FZD3: variants seen among roughly 807,000 people sequenced by gnomAD.
FZD3 encodes the protein frizzled-3.
FZD3 carries 30 observed loss-of-function variants against 60.7 expected under a neutral mutation model. The observed-to-expected ratio is 0.49, with a 90% CI of 0.37 to 0.67. The LOEUF is 0.67. Among genes scored for constraint, FZD3 ranks in the 30% least tolerant of loss-of-function variants. The pLI, the probability that FZD3 is intolerant of heterozygous loss-of-function variation, is 0.00. For synonymous variants in FZD3, 246 were observed against 275.2 expected (o/e 0.89, Z 1.05); for missense variants, 605 against 838.7 (o/e 0.72, Z 3.44).
chr8:28,558,299 C>CA (rs2130470152), intron 7 of FZD3, among the ~76,000 whole-genome samples: 1 of 152,244 alleles, frequency 6.6e-6, no homozygotes, highest in Non-Finnish European at 1.5e-5. Flanking sequence ...TTAGGGGTCC[C>CA]AGCTGAAAAT....
chr8:28,544,220 T>C (rs1215191632), intron 5 of FZD3, among the ~76,000 whole-genome samples: 2 of 152,206 alleles, frequency 1.3e-5, no homozygotes, highest in Non-Finnish European at 2.9e-5. Context: ...ACCTGTTTTA[T>C]CTGCTACATT....
chr8:28,528,427 T>C (rs75485194), intron 5 of FZD3, among the ~76,000 whole-genome samples: 10 of 152,160 alleles, frequency 6.6e-5, no homozygotes, highest in African/African-American at 1.9e-4. Flanking sequence ...TTTTTTTTTT[T>C]CCAGAAGTGT....
intron 3 of FZD3, among the ~76,000 whole-genome samples, 167 bp from the exon 4 acceptor site, chr8:28,520,471 G>T (rs1804548012): frequency 6.6e-6 from 1 of 151,892 alleles, no homozygotes; most frequent in African/African-American, 2.4e-5. Flanking sequence ...AATCTTCAAG[G>T]GTAGGGCTAG....
intron 4 of FZD3, among the ~76,000 whole-genome samples, chr8:28,522,240 T>G (rs1244150605): frequency 3.3e-5 from 5 of 151,992 alleles, no homozygotes; most frequent in Non-Finnish European, 7.4e-5. Context: ...GGATACCAAT[T>G]TGTTTTCTTA....
At chr8:28,544,304 A>G (rs1805244941) in intron 5 of FZD3, among the ~76,000 whole-genome samples, 1 of 152,166 alleles carries the variant, frequency 6.6e-6, no homozygotes, top group African/African-American at 2.4e-5. Context: ...GAGAATACAT[A>G]TTGGAAAATG....
At chr8:28,531,123 TTTCCATTC>T (rs1367352427) in intron 5 of FZD3, among the ~76,000 whole-genome samples, 2 of 152,170 alleles carry the variant, frequency 1.3e-5, no homozygotes, top group Non-Finnish European at 2.9e-5. Context: ...CCTTTCCATA[TTTCCATTC>T]CTCTTCTTCC....
intron 4 of FZD3, among the ~76,000 whole-genome samples, chr8:28,524,327 G>T (rs1285104786): frequency 6.6e-6 from 1 of 152,132 alleles, no homozygotes; most frequent in East Asian, 1.9e-4. Context: ...CCTCCAAATA[G>T]ACTGATTAAT....
chr8:28,496,612 C>T (rs952589748), intron 1 of FZD3, among the ~76,000 whole-genome samples: 1 of 152,126 alleles, frequency 6.6e-6, no homozygotes, highest in Non-Finnish European at 1.5e-5. Context: ...ATTAGATTTT[C>T]AGTAGTGATA....
In FZD3 at chr8:28,572,002, A is replaced by T. The variant is rs2130495027; in HGVS notation, c.*8991A>T. ...ATTATGAGTTATTTCACTCTCTGTA[A>T]TTTGTGATACCCAAGATTCATATTT... On this transcript the variant is annotated 3_prime_UTR_variant, in exon 8 of 8. Transcript: ENST00000240093. 6.6e-6 allele frequency: 1 copy of T among 152,174 alleles called. No homozygotes were observed. The highest frequency in any genetic ancestry group is 1.9e-4 in the East Asian group (1 of 5,178). The allele number at this position is 152,174 out of a possible 1,614,324, so 9.4% of individuals were successfully genotyped here. A position where few individuals can be genotyped will look rare whatever the true frequency, so the allele number is the denominator to read the frequency against.
chr8:28,532,213 A>T (rs963219747), intron 5 of FZD3, among the ~76,000 whole-genome samples: 2 of 152,060 alleles, frequency 1.3e-5, no homozygotes, highest in African/African-American at 4.8e-5. Context: ...CTTCTTCAAA[A>T]CTATTTTAGC....
In FZD3 at chr8:28,573,250, A is replaced by G. The variant is rs1805836895; in HGVS notation, c.*10239A>G. 6.6e-6 allele frequency: 1 copy of G among 152,208 alleles called. No homozygotes were observed. Among genetic ancestry groups the G allele is most frequent in the South Asian group, 2.1e-4 (1 of 4,834 alleles). 9.4% of individuals were successfully genotyped at this position (152,208 alleles called of 1,614,324 possible). ...AAATTTGCTTTAACTAATTTATATTAAAGTGTTAGTGACTATAGCCCTTTT... is the reference window on the plus strand; with the variant it reads ...AAATTTGCTTTAACTAATTTATATTGAAGTGTTAGTGACTATAGCCCTTTT... On this transcript the variant is annotated 3_prime_UTR_variant, in exon 8 of 8. Coordinates refer to ENST00000240093, the MANE Select transcript of FZD3 (RefSeq NM_017412.4).
intron 3 of FZD3, among the ~76,000 whole-genome samples, chr8:28,513,968 G>C (rs1174184377): frequency 6.6e-6 from 1 of 152,158 alleles, no homozygotes; most frequent in Non-Finnish European, 1.5e-5. Flanking sequence ...ATGGAAATTT[G>C]AAAGAAGAAA....
chr8:28,549,085 C>G (rs986452729), intron 5 of FZD3, among the ~76,000 whole-genome samples: 42 of 152,164 alleles, frequency 2.8e-4, no homozygotes, highest in African/African-American at 8.7e-4. Flanking sequence ...GGTTTCCTCT[C>G]AAGTCTCTCT....
chr8:28,502,728 A>C lies in FZD3; in HGVS notation c.-286A>C. 2.3e-5 allele frequency: 5 copies of C among 213,536 alleles called. No homozygotes were observed. The highest frequency in any genetic ancestry group is 1.8e-4 in the South Asian group (1 of 5,452). The allele number at this position is 213,536 out of a possible 1,614,324, so 13.2% of individuals were successfully genotyped here. Reference sequence around the variant, plus strand: ...CTAAGATGGAATCTGTGGTTTGGGAATGTGGTTGATCAACTTGATATGTTG... The same window carrying C: ...CTAAGATGGAATCTGTGGTTTGGGACTGTGGTTGATCAACTTGATATGTTG... On this transcript the variant is annotated 5_prime_UTR_variant, in exon 3 of 8. The change abolishes an upstream ATG in the 5' untranslated region. Coordinates refer to ENST00000240093, the MANE Select transcript of FZD3 (RefSeq NM_017412.4).
rs1301718016 is a variant in FZD3 at position 28,563,370 on chromosome 8, T to G, written c.*359T>G. 1 of 191,194 alleles carries G rather than the reference T, an allele frequency of 5.2e-6. No homozygotes were observed. The highest frequency in any genetic ancestry group is 5.5e-5 in the Admixed American group (1 of 18,122). The allele number at this position is 191,194 out of a possible 1,614,324, so 11.8% of individuals were successfully genotyped here. ...CATATACTATAAACTAGTTGTGAGA[T>G]AACATTCTGGTAGCTCAGTTAATAA... On this transcript the variant is annotated 3_prime_UTR_variant, in exon 8 of 8. Coordinates refer to ENST00000240093, the MANE Select transcript of FZD3 (RefSeq NM_017412.4).
At chr8:28,516,940 G>A (rs369519776) in intron 3 of FZD3, among the ~76,000 whole-genome samples, 2 of 152,046 alleles carry the variant, frequency 1.3e-5, no homozygotes, top group South Asian at 2.1e-4. Context: ...TTCTTCTGAC[G>A]CTCCACCTTT....
intron 3 of FZD3, among the ~76,000 whole-genome samples, chr8:28,510,039 A>G (rs1426557101): frequency 6.6e-6 from 1 of 152,184 alleles, no homozygotes; most frequent in African/African-American, 2.4e-5. Context: ...ACCATTTTAC[A>G]TTTCCACCAG....
chr8:28,498,305 T>C (rs1286629781), intron 1 of FZD3, among the ~76,000 whole-genome samples: 2 of 151,704 alleles, frequency 1.3e-5, no homozygotes, highest in African/African-American at 2.4e-5. Flanking sequence ...CCAGTTGATA[T>C]ACTACAGTTT....
At chr8:28,562,097 A>G (rs1296255518) in intron 7 of FZD3, among the ~76,000 whole-genome samples, 1 of 152,160 alleles carries the variant, frequency 6.6e-6, no homozygotes, top group Non-Finnish European at 1.5e-5. Context: ...TGAAGGTACA[A>G]AGAATTTGCT....
Sources: gnomAD v4.1 joint callset for allele counts (sites outside exome capture counted in the v4.1 genomes callset) on GRCh38, gnomAD v4.1.1 for gene constraint, MANE v1.5 for transcripts, NCBI Gene and HGNC (gene_info 2026-07-23, HGNC 2026-07-21) for gene names.